SPTBN4: variants seen among roughly 807,000 people sequenced by gnomAD.
SPTBN4 encodes spectrin beta, non-erythrocytic 4.
Under a neutral mutation model 277.8 loss-of-function variants are expected in SPTBN4, and 96 were observed. The observed-to-expected ratio is 0.35, with a 90% CI of 0.29 to 0.41. The LOEUF is 0.41. Among genes scored for constraint, SPTBN4 ranks in the 10% least tolerant of loss-of-function variants. SPTBN4 has a pLI of 1.00. For missense variants in SPTBN4, 3,006 were observed against 3,595.7 expected (o/e 0.84, Z 4.19); for synonymous variants, 1,481 against 1,580.3 (o/e 0.94, Z 1.49).
At chr19:40,530,206 C>A (rs1195688597) in intron 18 of SPTBN4, among the ~76,000 whole-genome samples, 1 of 152,070 alleles carries the variant, frequency 6.6e-6, no homozygotes, top group East Asian at 1.9e-4. Flanking sequence ...TCACCATAAT[C>A]CCCACTCCCT....
At chr19:40,539,746 C>T (rs1186648522) in intron 20 of SPTBN4, among the ~76,000 whole-genome samples, 1 of 152,044 alleles carries the variant, frequency 6.6e-6, no homozygotes, top group Non-Finnish European at 1.5e-5. Flanking sequence ...TCCCAAAGTG[C>T]TGGGATTACA....
intron 30 of SPTBN4, 33 bp from the exon 31 acceptor site, chr19:40,567,630 C>T (rs1346506956): frequency 2.8e-6 from 4 of 1,438,210 alleles, no homozygotes; most frequent in East Asian, 5.7e-5. Context: ...CGGCCCCACG[C>T]CTCCAACCTA....
At position 40,519,812 on chromosome 19, in the gene SPTBN4, G is replaced by A. The variant is rs1332590045; in HGVS notation, c.3315G>A (p.Val1105=). The stretch of plus-strand genomic sequence containing the variant: ...TCGACGCTTTCCTGGACTGGCTCGT[G>A]CGCGCCCAGGAGGCGGCGGGCGGCA... ...HDLDAFLDWL[V]RAQEAAGGSE... The change falls in exon 16 of 36, where the codon GTG becomes GTA. Residue 1105 remains valine (V), a synonymous_variant. Coordinates refer to ENST00000598249, the MANE Select transcript of SPTBN4 (RefSeq NM_020971.3). This position sits in a 1 kb window ranked among gnomAD's most constrained non-coding sequence, Gnocchi z 5.7. 3 of 1,436,074 alleles carry A rather than the reference G, an allele frequency of 2.1e-6. No individual in the cohort carries two copies. The highest frequency in any genetic ancestry group is 2.7e-6 in the Non-Finnish European group (3 of 1,107,876). 89.0% of individuals were successfully genotyped at this position (1,436,074 alleles called of 1,614,324 possible).
chr19:40,490,277 C>T lies in SPTBN4; in HGVS notation c.495+29C>T, dbSNP rs904366675. 15 of 1,603,364 alleles carry T rather than the reference C, an allele frequency of 9.4e-6. No individual in the cohort carries two copies. The highest frequency in any genetic ancestry group is 8.9e-5 in the South Asian group (8 of 90,102). On this transcript the variant is annotated intron_variant, in intron 4 of 35. Coordinates refer to ENST00000598249, the MANE Select transcript of SPTBN4 (RefSeq NM_020971.3). The surrounding 1 kb of genome is among the most constrained non-coding windows in gnomAD (Gnocchi z 4.3). Reference sequence around the variant, plus strand: ...ACCCTCGAGTGGCCCCTGCCAAGCCCCGCAACATGGGACTTAGGAAAGCGT... The same window carrying T: ...ACCCTCGAGTGGCCCCTGCCAAGCCTCGCAACATGGGACTTAGGAAAGCGT...
intron 15 of SPTBN4, among the ~76,000 whole-genome samples, chr19:40,518,260 C>G (rs1279408410): frequency 1.3e-5 from 2 of 151,946 alleles, no homozygotes; most frequent in African/African-American, 4.8e-5. Flanking sequence ...GAGCTGAGAT[C>G]GTGCCACTGC....
chr19:40,479,029 G>C (rs1188424742), intron 2 of SPTBN4, among the ~76,000 whole-genome samples: 1 of 152,174 alleles, frequency 6.6e-6, no homozygotes, highest in Non-Finnish European at 1.5e-5. Flanking sequence ...GCCACTCAAA[G>C]TGCAAATATG....
chr19:40,484,743 T>C (rs1028607268), intron 2 of SPTBN4, among the ~76,000 whole-genome samples: 23 of 151,622 alleles, frequency 1.5e-4, no homozygotes, highest in African/African-American at 5.3e-4. Context: ...CTGGCTAACA[T>C]GGTGAAACCC....
intron 7 of SPTBN4, among the ~76,000 whole-genome samples, chr19:40,499,576 T>C (rs1318167385): frequency 6.6e-6 from 1 of 151,590 alleles, no homozygotes; most frequent in Non-Finnish European, 1.5e-5. Context: ...TTTTTTTTTT[T>C]GGTAGAGGTG....
chr19:40,494,562 CT>C (rs1465246520), intron 5 of SPTBN4, among the ~76,000 whole-genome samples: 1 of 151,810 alleles, frequency 6.6e-6, no homozygotes, highest in Non-Finnish European at 1.5e-5. Context: ...ATCTATCTAT[CT>C]ATCTTCTATC....
Position 40,519,658 on chromosome 19 carries a change from C to A in SPTBN4, c.3161C>A (p.Ala1054Glu). ...GCCCTGCTGGCTGAGCGCTTCCCGG[C>A]GCAGGCGGCGCGGCTGCACCAGGGC... ...EAALLAERFP[A>E]QAARLHQGAE... Residue 1054 changes from alanine to glutamate, a missense_variant, in exon 16 of 36, where the codon GCG (alanine) becomes GAG (glutamate). Transcript: ENST00000598249. This position sits in a 1 kb window ranked among gnomAD's most constrained non-coding sequence, Gnocchi z 5.7. 1 of 1,394,100 alleles carries A rather than the reference C, an allele frequency of 7.2e-7. No homozygotes were observed. The highest frequency in any genetic ancestry group is 9.2e-7 in the Non-Finnish European group (1 of 1,085,764). The allele number at this position is 1,394,100 out of a possible 1,614,324, so 86.4% of individuals were successfully genotyped here. A position where few individuals can be genotyped will look rare whatever the true frequency, so the allele number is the denominator to read the frequency against.
intron 15 of SPTBN4, among the ~76,000 whole-genome samples, chr19:40,517,615 C>T (rs971081691): frequency 6.6e-6 from 1 of 152,170 alleles, no homozygotes; most frequent in African/African-American, 2.4e-5. Flanking sequence ...GCTCTTGACT[C>T]TGTGCTGCAA....
Position 40,492,555 on chromosome 19 carries a change from G to A in SPTBN4, c.496-408G>A, listed in dbSNP as rs556772035. Among the ~76,000 whole-genome samples the A allele has an allele frequency of 6.6e-5, 10 of 152,236 alleles. No homozygotes were observed. The East Asian group carries it at 9.7e-4, about 15-fold the overall frequency. On this transcript the variant is annotated intron_variant, in intron 4 of 35. Transcript: ENST00000598249. ...TTTACCTTGAATGAAACAGAGATAC[G>A]GAGGGTGTTGAAAAGAGGAGCAAGG...
rs1390545486 is a variant in SPTBN4 at position 40,549,430 on chromosome 19, G to A, written c.4584+17G>A. 1.4e-6 allele frequency: 2 copies of A among 1,390,938 alleles called. No individual in the cohort carries two copies. Among genetic ancestry groups the A allele is most frequent in the East Asian group, 5.7e-5 (2 of 35,200 alleles). 86.2% of individuals were successfully genotyped at this position (1,390,938 alleles called of 1,614,324 possible). Reference sequence around the variant, plus strand: ...GACGAGCTGGTGAGGCCAGCGCAGGGGCCTGGGGCGGGGCGGGGCGGGGCG... The same window carrying A: ...GACGAGCTGGTGAGGCCAGCGCAGGAGCCTGGGGCGGGGCGGGGCGGGGCG... On this transcript the variant is annotated intron_variant, in intron 21 of 35. Coordinates refer to ENST00000598249, the MANE Select transcript of SPTBN4 (RefSeq NM_020971.3).
intron 32 of SPTBN4, 86 bp downstream of exon 32, chr19:40,569,812 C>T (rs2081132355): frequency 7.8e-7 from 1 of 1,277,040 alleles, no homozygotes; most frequent in African/African-American, 1.5e-5. Flanking sequence ...AGTGCCTAGC[C>T]CTGGCAGGAC....
intron 35 of SPTBN4, 112 bp from the exon 36 acceptor site, chr19:40,575,299 T>C: frequency 3.1e-6 from 4 of 1,288,368 alleles, no homozygotes; most frequent in Non-Finnish European, 4.2e-6. Flanking sequence ...ATCATCCCTT[T>C]TTAATAGATG....
chr19:40,556,973 T>C, intron 25 of SPTBN4, 50 bp from the exon 26 acceptor site: 2 of 1,511,712 alleles, frequency 1.3e-6, no homozygotes, highest in Non-Finnish European at 1.8e-6. Context: ...TGGTGTATGC[T>C]GCCCCTTTGC....
chr19:40,512,486 C>T lies in SPTBN4; in HGVS notation c.1817-120C>T, dbSNP rs2080401408. 3.9e-6 allele frequency: 5 copies of T among 1,294,030 alleles called. No homozygotes were observed. The South Asian group carries it at 8.1e-5, about 21-fold the overall frequency. 80.2% of individuals were successfully genotyped at this position (1,294,030 alleles called of 1,614,324 possible). A position where few individuals can be genotyped will look rare whatever the true frequency, so the allele number is the denominator to read the frequency against. On this transcript the variant is annotated intron_variant, in intron 13 of 35. Coordinates refer to ENST00000598249, the MANE Select transcript of SPTBN4 (RefSeq NM_020971.3). ...CAGGGAAGGCTGCCTGGAGGAGGAG[C>T]CACGTGACCCGGCATCTGATGAAGT... is the stretch of plus-strand genomic sequence containing the variant.
intron 7 of SPTBN4, among the ~76,000 whole-genome samples, chr19:40,501,385 T>A (rs755037229): frequency 1.2e-4 from 18 of 152,108 alleles, no homozygotes; most frequent in Non-Finnish European, 2.2e-4. Context: ...GAAACAAATA[T>A]AGGCCAGGTG....
intron 27 of SPTBN4, 115 bp from the exon 28 acceptor site, chr19:40,565,308 C>G: frequency 3.2e-6 from 4 of 1,231,454 alleles, no homozygotes; most frequent in Non-Finnish European, 4.6e-6. Context: ...AAGTAAGTGT[C>G]TTGAGGTGGT....
Sources: gnomAD v4.1 joint callset for allele counts (sites outside exome capture counted in the v4.1 genomes callset) on GRCh38, gnomAD v4.1.1 for gene constraint, Gnocchi (gnomAD v3.1) non-coding constraint, MANE v1.5 for transcripts, NCBI Gene and HGNC (gene_info 2026-07-23, HGNC 2026-07-21) for gene names.